PDE7A: variants seen among roughly 807,000 people sequenced by gnomAD.
PDE7A encodes phosphodiesterase 7A.
A neutral mutation model predicts 64.3 loss-of-function variants in PDE7A; 39 were observed. The observed-to-expected ratio is 0.61, with a 90% CI of 0.47 to 0.79. The LOEUF (loss-of-function observed/expected upper bound fraction) is 0.79. Among genes scored for constraint, PDE7A ranks in the 30% least tolerant of loss-of-function variants. The pLI is 0.00. For synonymous variants in PDE7A, 203 were observed against 206.8 expected, an observed-to-expected ratio of 0.98 and a Z score of 0.16; for missense variants, 470 against 582.8, an observed-to-expected ratio of 0.81 and a Z score of 1.99.
chr8:65,737,666 A>C (rs766602380), intron 6 of PDE7A, among the ~76,000 whole-genome samples: 7 of 151,942 alleles, frequency 4.6e-5, no homozygotes, highest in Non-Finnish European at 1.0e-4. Context: ...TTACAGGCAC[A>C]TGCCTCCACA....
chr8:65,727,001 T>TA (rs1460692137), intron 8 of PDE7A, 35 bp from the exon 9 acceptor site: 1 of 1,200,404 alleles, frequency 8.3e-7, no homozygotes, highest in Admixed American at 1.7e-5. Context: ...TACTTAATGA[T>TA]ACGTCTCTTT....
chr8:65,840,398 G>GCACACACA (rs746987926), intron 1 of PDE7A, among the ~76,000 whole-genome samples: 5 of 109,620 alleles, frequency 4.6e-5, no homozygotes, highest in East Asian at 2.1e-4. Flanking sequence ...CACACTACCT[G>GCACACACA]CACACACACA....
At chr8:65,815,428 A>T (rs1810376459) in intron 1 of PDE7A, among the ~76,000 whole-genome samples, 1 of 152,220 alleles carries the variant, frequency 6.6e-6, no homozygotes, top group South Asian at 2.1e-4. Context: ...GTCTCTGATT[A>T]CCAAGTTGTG....
At chr8:65,739,776 A>G (rs934509198) in intron 5 of PDE7A, among the ~76,000 whole-genome samples, 179 bp from the exon 6 acceptor site, 3 of 152,212 alleles carry the variant, frequency 2.0e-5, no homozygotes, top group African/African-American at 7.2e-5. Flanking sequence ...ATCTTGTTTC[A>G]TTATAAGAAA....
At chr8:65,763,107 AATTAG>A (rs1478321955) in intron 3 of PDE7A, among the ~76,000 whole-genome samples, 12 of 152,048 alleles carry the variant, frequency 7.9e-5, no homozygotes, top group Admixed American at 3.9e-4. Context: ...GTAATCTAAA[AATTAG>A]ATTAATGTTA....
At chr8:65,840,402 A>ACG (rs1286199186) in intron 1 of PDE7A, among the ~76,000 whole-genome samples, 37 of 108,888 alleles carry the variant, frequency 3.4e-4, no homozygotes, top group African/African-American at 2.1e-3. Context: ...CTACCTGCAC[A>ACG]CACACACACA....
Position 65,724,814 on chromosome 8 carries a change from C to T in PDE7A, c.1028G>A (p.Cys343Tyr). The T allele has an allele frequency of 6.2e-7, 1 of 1,611,510 alleles. No individual in the cohort carries two copies. Among genetic ancestry groups the T allele is most frequent in the Non-Finnish European group, 8.5e-7 (1 of 1,178,394 alleles). Residue 343 changes from cysteine (C) to tyrosine (Y), a missense_variant, in exon 10 of 13, where the codon TGC becomes TAC. Physicochemically the swap from Cys to Tyr is radical, Grantham distance 194. Transcript: ENST00000401827. ...FRSHLDRGDLCLEDTRHRHLV... is the reference protein window; with the variant it reads ...FRSHLDRGDLYLEDTRHRHLV... Reference sequence around the variant, plus strand: ...ATGTCTGTGTCTGGTGTCTTCTAGGCATAAATCACCTCTATCCAAATGGGA... The same window carrying T: ...ATGTCTGTGTCTGGTGTCTTCTAGGTATAAATCACCTCTATCCAAATGGGA...
At chr8:65,783,977 C>T (rs1458803470) in intron 1 of PDE7A, among the ~76,000 whole-genome samples, 2 of 151,958 alleles carry the variant, frequency 1.3e-5, no homozygotes, top group Non-Finnish European at 2.9e-5. Context: ...TAGATCCCAA[C>T]ATTTAGAACA....
chr8:65,821,680 T>C (rs934711275), intron 1 of PDE7A, among the ~76,000 whole-genome samples: 1 of 152,224 alleles, frequency 6.6e-6, no homozygotes, highest in Non-Finnish European at 1.5e-5. Context: ...TCTGTAGCTA[T>C]AGAATACTTG....
At chr8:65,798,200 A>AT (rs1276764898) in intron 1 of PDE7A, among the ~76,000 whole-genome samples, 14 of 21,412 alleles carry the variant, frequency 6.5e-4, no homozygotes, top group African/African-American at 1.9e-3. Flanking sequence ...ATATATATAT[A>AT]TATATATTTT....
At chr8:65,764,699 T>C (rs1373929724) in intron 3 of PDE7A, among the ~76,000 whole-genome samples, 2 of 152,228 alleles carry the variant, frequency 1.3e-5, no homozygotes, top group Non-Finnish European at 2.9e-5. Flanking sequence ...TATGAGCTTT[T>C]AAGAAACATC....
chr8:65,725,851 ATC>A (rs1315941949), intron 9 of PDE7A, among the ~76,000 whole-genome samples: 1 of 152,298 alleles, frequency 6.6e-6, no homozygotes, highest in East Asian at 1.9e-4. Context: ...AAACATTTTA[ATC>A]TGTCTTAATT....
intron 3 of PDE7A, among the ~76,000 whole-genome samples, chr8:65,767,730 C>T (rs76311198): frequency 1.3e-5 from 2 of 152,106 alleles, no homozygotes; most frequent in Non-Finnish European, 2.9e-5. Flanking sequence ...GGGTGGCGTC[C>T]CAGGGAAGGC....
intron 1 of PDE7A, among the ~76,000 whole-genome samples, chr8:65,804,107 C>A (rs905838346): frequency 1.3e-5 from 2 of 152,066 alleles, no homozygotes; most frequent in Admixed American, 1.3e-4. Context: ...CAATATGTAA[C>A]CCTCTTATCA....
intron 2 of PDE7A, 70 bp downstream of exon 2, chr8:65,782,713 A>G (rs887550972): frequency 3.1e-5 from 25 of 797,386 alleles, no homozygotes; most frequent in Non-Finnish European, 5.2e-5. Context: ...AATGAAAGAT[A>G]CCTCAAACTC....
intron 1 of PDE7A, among the ~76,000 whole-genome samples, chr8:65,796,152 CTGAACCTG>C (rs1474967394): frequency 6.6e-6 from 1 of 151,070 alleles, no homozygotes; most frequent in Non-Finnish European, 1.5e-5. Flanking sequence ...AAACATGAAT[CTGAACCTG>C]TGAGCCTGCG....
chr8:65,734,933 A>T, intron 6 of PDE7A, 39 bp from the exon 7 acceptor site: 6 of 1,224,538 alleles, frequency 4.9e-6, no homozygotes, highest in Non-Finnish European at 6.1e-6. Flanking sequence ...ATTGTATATG[A>T]GCAACATATA....
In PDE7A at chr8:65,718,969, G is replaced by A. The variant is rs1400444860; in HGVS notation, c.*321C>T. ...TGTTGCTGAACAATTCAAGTTTCAC[G>A]TTTTGAAGATTAGATGCTTTGAAAA... On this transcript the variant is annotated 3_prime_UTR_variant, in exon 13 of 13. Coordinates refer to ENST00000401827, the MANE Select transcript of PDE7A (RefSeq NM_001242318.3). 2.0e-5 allele frequency: 7 copies of A among 342,224 alleles called. No homozygotes were observed. The highest frequency in any genetic ancestry group is 6.0e-5 in the East Asian group (1 of 16,634). The allele number at this position is 342,224 out of a possible 1,614,324, so 21.2% of individuals were successfully genotyped here. A position where few individuals can be genotyped will look rare whatever the true frequency, so the allele number is the denominator to read the frequency against.
At chr8:65,728,027 T>C (rs1186155357) in intron 7 of PDE7A, 4 of 152,254 alleles carry the variant, frequency 2.6e-5, no homozygotes, top group Non-Finnish European at 5.9e-5. Context: ...ACCTTGACTA[T>C]ATCATCTGCT....
Sources: gnomAD v4.1 joint callset for allele counts (sites outside exome capture counted in the v4.1 genomes callset) on GRCh38, gnomAD v4.1.1 for gene constraint, MANE v1.5 for transcripts, NCBI Gene and HGNC (gene_info 2026-07-23, HGNC 2026-07-21) for gene names.